Variants in WDR12 observed in about 807,000 individuals in gnomAD.
WDR12 encodes the protein WD repeat domain 12, also known as ribosome biogenesis protein WDR12.
Under a neutral mutation model 64.3 loss-of-function variants are expected in WDR12, and 42 were observed. That is an observed-to-expected ratio of 0.65 (90% CI 0.51 to 0.84). The LOEUF is 0.84. Among genes scored for constraint, WDR12 ranks in the 40% least tolerant of loss-of-function variants. The pLI is 0.00. For missense variants in WDR12, 469 were observed against 494.6 expected (o/e 0.95, Z 0.49); for synonymous variants, 158 against 173.3 (o/e 0.91, Z 0.70).
In WDR12 at chr2:202,876,800, T is replaced by G. The variant is rs191875752; in HGVS notation, c.*4060A>C. 6.6e-6 allele frequency: 1 copy of G among 152,210 alleles called. No individual in the cohort carries two copies. Among genetic ancestry groups the G allele is most frequent in the African/African-American group, 2.4e-5 (1 of 41,514 alleles). The allele number at this position is 152,210 out of a possible 1,614,324, so 9.4% of individuals were successfully genotyped here. A position where few individuals can be genotyped will look rare whatever the true frequency, so the allele number is the denominator to read the frequency against. The stretch of plus-strand genomic sequence containing the variant: ...AAATTTTAAAATCAGCCAGATGTGG[T>G]GACATGCGCCTGTGGTCCTAGTTAG... On this transcript the variant is annotated 3_prime_UTR_variant, in exon 13 of 13. Coordinates refer to ENST00000261015, the MANE Select transcript of WDR12 (RefSeq NM_018256.4).
chr2:202,894,556 A>G (rs1213108028), intron 7 of WDR12, 25 bp downstream of exon 7: 2 of 1,578,156 alleles, frequency 1.3e-6, no homozygotes, highest in South Asian at 1.2e-5. Flanking sequence ...TTATTAAGTC[A>G]AGGTAAAATA....
chr2:202,885,320 T>C (rs1056756130), intron 8 of WDR12, among the ~76,000 whole-genome samples: 1 of 152,188 alleles, frequency 6.6e-6, no homozygotes, highest in African/African-American at 2.4e-5. Context: ...GTTGCGTGTG[T>C]GCTCTTCCTC....
intron 12 of WDR12, 59 bp downstream of exon 12, chr2:202,882,652 C>T: frequency 3.2e-6 from 5 of 1,555,482 alleles, no homozygotes; most frequent in Admixed American, 1.7e-5. Context: ...TTTATAAACA[C>T]AAACACCAGA....
intron 1 of WDR12, among the ~76,000 whole-genome samples, 200 bp from the exon 2 acceptor site, chr2:202,908,159 T>G (rs924125348): frequency 6.6e-6 from 1 of 152,064 alleles, no homozygotes. Flanking sequence ...TAGAATGAAG[T>G]TATATAAGAA....
rs763618078 is a variant in WDR12 at position 202,877,009 on chromosome 2, T to C, written c.*3851A>G. 1.3e-5 allele frequency: 2 copies of C among 152,090 alleles called. No homozygotes were observed. The highest frequency in any genetic ancestry group is 2.4e-5 in the African/African-American group (1 of 41,406). 9.4% of individuals were successfully genotyped at this position (152,090 alleles called of 1,614,324 possible). On this transcript the variant is annotated 3_prime_UTR_variant, in exon 13 of 13. Transcript: ENST00000261015. ...CTTATATTTGTTATATATAGTAAACTGTTACCTTTTTTTCAAAACTACGAT... is the reference window on the plus strand; with the variant it reads ...CTTATATTTGTTATATATAGTAAACCGTTACCTTTTTTTCAAAACTACGAT...
At chr2:202,904,994 T>C (rs1296290439) in intron 2 of WDR12, among the ~76,000 whole-genome samples, 1 of 152,158 alleles carries the variant, frequency 6.6e-6, no homozygotes, top group Non-Finnish European at 1.5e-5. Context: ...ATAATCTGAT[T>C]AAAAATTGGG....
At chr2:202,881,088 A>G (rs1249112642) in intron 12 of WDR12, 151 bp from the exon 13 acceptor site, 8 of 531,674 alleles carry the variant, frequency 1.5e-5, no homozygotes, top group East Asian at 3.5e-5. Flanking sequence ...AAAGGGACCA[A>G]CGTTGTTTCA....
At chr2:202,890,967 C>T (rs1389778557) in intron 8 of WDR12, among the ~76,000 whole-genome samples, 5 of 138,450 alleles carry the variant, frequency 3.6e-5, no homozygotes, top group Admixed American at 8.0e-5. Flanking sequence ...GCACTCCAGC[C>T]TGGGCAACAG....
Position 202,909,316 on chromosome 2 carries a change from T to C in WDR12, c.42-1357A>G, listed in dbSNP as rs144498597. Among the ~76,000 whole-genome samples the C allele has an allele frequency of 1.4e-4, 22 of 152,324 alleles. No homozygotes were observed. In the East Asian group the frequency reaches 1.5e-3, roughly 11 times the overall value. On this transcript the variant is annotated intron_variant, in intron 1 of 12. Transcript: ENST00000261015. ...CCACCAGCTGATGAATGGAAAAATA[T>C]GGTACCTCCATTCAATGGCCTATTA...
intron 3 of WDR12, among the ~76,000 whole-genome samples, chr2:202,900,086 T>C (rs149016309): frequency 2.0e-5 from 3 of 152,120 alleles, no homozygotes; most frequent in South Asian, 4.1e-4. Context: ...CCCCAGCACT[T>C]TGGGAGGCCG....
intron 6 of WDR12, 131 bp downstream of exon 6, chr2:202,895,934 T>C: frequency 9.3e-7 from 1 of 1,077,204 alleles, no homozygotes; most frequent in Non-Finnish European, 1.3e-6. Context: ...TACTCTTGCT[T>C]TGAAATCCTA....
intron 12 of WDR12, 32 bp from the exon 13 acceptor site, chr2:202,880,969 CATAA>C (rs1216179152): frequency 2.7e-5 from 41 of 1,529,408 alleles, no homozygotes; most frequent in Non-Finnish European, 3.6e-5. Context: ...GACAAGAAAA[CATAA>C]ATAAATATAA....
chr2:202,908,904 A>G (rs938816824), intron 1 of WDR12, among the ~76,000 whole-genome samples: 9 of 152,230 alleles, frequency 5.9e-5, no homozygotes, highest in African/African-American at 2.2e-4. Flanking sequence ...TAATAAAAAG[A>G]CAACACAAAT....
chr2:202,895,786 T>A lies in WDR12; in HGVS notation c.609+279A>T, dbSNP rs1688229771. Among the ~76,000 whole-genome samples, 3 of 150,622 alleles carry A rather than the reference T, an allele frequency of 2.0e-5. No individual in the cohort carries two copies. In the South Asian group the frequency reaches 6.3e-4, roughly 32 times the overall value. ...CTCAGGTGATCTGCCCGCCTCGGCC[T>A]CCCAAAGTGCTGGGATTACAGGCGT... On this transcript the variant is annotated intron_variant, in intron 6 of 12. Transcript: ENST00000261015.
At chr2:202,910,441 T>C (rs950301695) in intron 1 of WDR12, among the ~76,000 whole-genome samples, 3 of 152,056 alleles carry the variant, frequency 2.0e-5, no homozygotes, top group Non-Finnish European at 4.4e-5. Context: ...GAAGATTGTT[T>C]GAACCCGGGA....
chr2:202,886,597 G>A (rs1192972644), intron 8 of WDR12, among the ~76,000 whole-genome samples: 1 of 151,902 alleles, frequency 6.6e-6, no homozygotes, highest in African/African-American at 2.4e-5. Context: ...GAGAAGCCCC[G>A]TCTCTACTAA....
intron 8 of WDR12, among the ~76,000 whole-genome samples, chr2:202,886,303 T>C (rs974939583): frequency 2.8e-5 from 4 of 142,210 alleles, no homozygotes; most frequent in African/African-American, 8.0e-5. Flanking sequence ...CAAAAAAATA[T>C]AGAAATGAAC....
At chr2:202,908,775 C>G (rs1688509086) in intron 1 of WDR12, among the ~76,000 whole-genome samples, 1 of 152,128 alleles carries the variant, frequency 6.6e-6, no homozygotes, top group South Asian at 2.1e-4. Context: ...AATAGAGGAA[C>G]ACATGACAGG....
At chr2:202,905,132 C>A (rs1574411234) in intron 2 of WDR12, among the ~76,000 whole-genome samples, 1 of 152,302 alleles carries the variant, frequency 6.6e-6, no homozygotes. Flanking sequence ...CATTTCACCC[C>A]AGATAAAATG....
Sources: gnomAD v4.1 joint callset for allele counts (sites outside exome capture counted in the v4.1 genomes callset) on GRCh38, gnomAD v4.1.1 for gene constraint, MANE v1.5 for transcripts, NCBI Gene and HGNC (gene_info 2026-07-23, HGNC 2026-07-21) for gene names.